Variants in FOXJ3 observed in about 807,000 individuals in gnomAD.
The protein encoded by FOXJ3 is forkhead box J3.
Under a neutral mutation model 76.1 loss-of-function variants are expected in FOXJ3, and 22 were observed. The observed-to-expected ratio is 0.29, with a 90% CI of 0.21 to 0.41. FOXJ3 has a LOEUF of 0.41. Ranked by LOEUF, FOXJ3 falls within the 10% of genes least tolerant of loss-of-function variation. The pLI is 1.00. For synonymous variants in FOXJ3, 269 were observed against 261.2 expected, an observed-to-expected ratio of 1.03 and a Z score of -0.29; for missense variants, 613 against 762.1, an observed-to-expected ratio of 0.80 and a Z score of 2.30.
At chr1:42,279,281 C>G (rs1248098387) in intron 2 of FOXJ3, among the ~76,000 whole-genome samples, 1 of 151,030 alleles carries the variant, frequency 6.6e-6, no homozygotes. Flanking sequence ...GGGAGTTGAC[C>G]GAAAAAAGGA....
intron 2 of FOXJ3, among the ~76,000 whole-genome samples, chr1:42,292,557 G>T (rs553229035): frequency 6.6e-6 from 1 of 152,184 alleles, no homozygotes; most frequent in African/African-American, 2.4e-5. Flanking sequence ...AATACATATT[G>T]TATGATACCA....
intron 3 of FOXJ3, among the ~76,000 whole-genome samples, chr1:42,270,846 T>C (rs1651815017): frequency 6.6e-6 from 1 of 152,140 alleles, no homozygotes; most frequent in Non-Finnish European, 1.5e-5. Flanking sequence ...TTTAAAAGCA[T>C]TCTATGTAAT....
At chr1:42,293,262 T>C (rs1653562984) in intron 2 of FOXJ3, among the ~76,000 whole-genome samples, 1 of 138,720 alleles carries the variant, frequency 7.2e-6, no homozygotes, top group Non-Finnish European at 1.6e-5. Context: ...TTACCAAAAT[T>C]TAAAACTTTC....
intron 4 of FOXJ3, 67 bp from the exon 5 acceptor site, chr1:42,228,033 T>A (rs1281901541): frequency 7.6e-6 from 6 of 784,910 alleles, no homozygotes; most frequent in African/African-American, 5.3e-5. Flanking sequence ...TGGATTTTTA[T>A]AATCCTTTGC....
Position 42,265,716 on chromosome 1 carries a change from T to C in FOXJ3, c.370-527A>G, listed in dbSNP as rs191366338. ...CTTATTAATTAGTTTAAAAAATGCT[T>C]TAAAAAAACATTCACTGCTCTATTA... On this transcript the variant is annotated intron_variant, in intron 3 of 12. Coordinates refer to ENST00000361346, the MANE Select transcript of FOXJ3 (RefSeq NM_014947.5). Among the ~76,000 whole-genome samples, 4 of 152,252 alleles carry C rather than the reference T, an allele frequency of 2.6e-5. 1 individual carries two copies. Among genetic ancestry groups the C allele is most frequent in the African/African-American group, 9.6e-5 (4 of 41,554 alleles).
chr1:42,245,752 G>A (rs772434773), intron 4 of FOXJ3, among the ~76,000 whole-genome samples: 1 of 152,078 alleles, frequency 6.6e-6, no homozygotes, highest in Non-Finnish European at 1.5e-5. Context: ...CTAAAAGCTG[G>A]TCAAGACAAG....
At chr1:42,204,559 A>G (rs1455114950) in intron 6 of FOXJ3, among the ~76,000 whole-genome samples, 1 of 152,150 alleles carries the variant, frequency 6.6e-6, no homozygotes, top group Non-Finnish European at 1.5e-5. Flanking sequence ...ATTCTAACCC[A>G]ACCACTTCAC....
At chr1:42,286,880 T>G (rs1653091266) in intron 2 of FOXJ3, among the ~76,000 whole-genome samples, 1 of 151,858 alleles carries the variant, frequency 6.6e-6, no homozygotes, top group African/African-American at 2.4e-5. Flanking sequence ...GTGATCCGCC[T>G]GCTTCGGCCT....
chr1:42,186,845 C>CCTT (rs953460491), intron 11 of FOXJ3, among the ~76,000 whole-genome samples: 7 of 151,906 alleles, frequency 4.6e-5, no homozygotes, highest in South Asian at 2.1e-4. Flanking sequence ...TTTGAGATTG[C>CCTT]CTTCTTCTTC....
Position 42,199,120 on chromosome 1 carries a change from A to C in FOXJ3, c.741T>G (p.Ser247Arg). ...LASVNLNSVG[S>R]VHSYTPVTSH... ...GACTTACCGGTGTATAACTATGCAC[A>C]CTTCCAACACTGTTCAAATTAACAG... The change falls in exon 7 of 13, where the codon AGT becomes AGG. Residue 247 changes from serine to arginine, a missense_variant. Ser to Arg is a moderately radical substitution (Grantham distance 110, BLOSUM62 -1). Around this residue, in one of 3 missense-constraint regions of FOXJ3, gnomAD observed 526 missense variants for 601.4 expected, o/e 0.87. Coordinates refer to ENST00000361346, the MANE Select transcript of FOXJ3 (RefSeq NM_014947.5). 1 of 1,613,604 alleles carries C rather than the reference A, an allele frequency of 6.2e-7. No homozygotes were observed. Among genetic ancestry groups the C allele is most frequent in the Non-Finnish European group, 8.5e-7 (1 of 1,179,564 alleles).
At chr1:42,217,866 C>T (rs1205299181) in intron 5 of FOXJ3, among the ~76,000 whole-genome samples, 2 of 152,170 alleles carry the variant, frequency 1.3e-5, no homozygotes, top group African/African-American at 4.8e-5. Flanking sequence ...AACTGTACAA[C>T]TATCCCTCAA....
chr1:42,189,504 C>G (rs1345015321), intron 9 of FOXJ3, 100 bp from the exon 10 acceptor site: 1 of 777,854 alleles, frequency 1.3e-6, no homozygotes, highest in Non-Finnish European at 2.2e-6. Context: ...TTGGCTGATT[C>G]TTGTCCCGTC....
chr1:42,318,609 T>G (rs1655257733), intron 1 of FOXJ3, among the ~76,000 whole-genome samples: 1 of 152,122 alleles, frequency 6.6e-6, no homozygotes, highest in Admixed American at 6.5e-5. Flanking sequence ...CCTCCCAAAG[T>G]GCTAGGATTA....
chr1:42,329,749 T>C lies in FOXJ3; in HGVS notation c.-18+5310A>G, dbSNP rs562470763. Among the ~76,000 whole-genome samples the C allele has an allele frequency of 4.6e-5, 7 of 152,394 alleles. No homozygotes were observed. In the East Asian group the frequency reaches 1.3e-3, roughly 29 times the overall value. On this transcript the variant is annotated intron_variant, in intron 1 of 12. Coordinates refer to ENST00000361346, the MANE Select transcript of FOXJ3 (RefSeq NM_014947.5). ...AAACAATATGTATCTTTGTACACTGTAGTGTTAAGTCCACTTTTAAAAGAA... is the reference window on the plus strand; with the variant it reads ...AAACAATATGTATCTTTGTACACTGCAGTGTTAAGTCCACTTTTAAAAGAA...
At chr1:42,332,430 C>T (rs1384718943) in intron 1 of FOXJ3, among the ~76,000 whole-genome samples, 1 of 152,118 alleles carries the variant, frequency 6.6e-6, no homozygotes, top group Non-Finnish European at 1.5e-5. Flanking sequence ...CAAACGTAGG[C>T]GCTTAGAATA....
chr1:42,325,384 AAGAAGAAAAC>A (rs1303358879), intron 1 of FOXJ3, among the ~76,000 whole-genome samples: 1 of 152,222 alleles, frequency 6.6e-6, no homozygotes, highest in Non-Finnish European at 1.5e-5. Context: ...TCTAGTCGAA[AAGAAGAAAAC>A]AGAAGAAATC....
At chr1:42,286,601 T>G (rs910980391) in intron 2 of FOXJ3, among the ~76,000 whole-genome samples, 1 of 152,218 alleles carries the variant, frequency 6.6e-6, no homozygotes, top group Non-Finnish European at 1.5e-5. Flanking sequence ...CAAGTTAATA[T>G]TAATATGAAG....
intron 2 of FOXJ3, among the ~76,000 whole-genome samples, chr1:42,279,412 G>C (rs1652530667): frequency 6.6e-6 from 1 of 152,126 alleles, no homozygotes; most frequent in African/African-American, 2.4e-5. Flanking sequence ...AATTGTGGGA[G>C]TACAGAATCT....
Position 42,201,181 on chromosome 1 carries a change from G to A in FOXJ3, c.631-1951C>T, listed in dbSNP as rs1165827878. 4.6e-5 allele frequency among the ~76,000 whole-genome samples: 7 copies of A among 152,136 alleles called. No homozygotes were observed. In the East Asian group the frequency reaches 1.3e-3, roughly 29 times the overall value. Reference sequence around the variant, plus strand: ...CCGTAGATTCTTTTCAATTTTCTGTGATCATCTGTGGCAACTTTATTTCTG... The same window carrying A: ...CCGTAGATTCTTTTCAATTTTCTGTAATCATCTGTGGCAACTTTATTTCTG... On this transcript the variant is annotated intron_variant, in intron 6 of 12. Coordinates refer to ENST00000361346, the MANE Select transcript of FOXJ3 (RefSeq NM_014947.5).
Sources: allele counts gnomAD v4.1 joint callset (sites outside exome capture counted in the v4.1 genomes callset), GRCh38; gene constraint gnomAD v4.1.1; regional missense constraint gnomAD v4.1.1; transcripts MANE v1.5; gene names NCBI Gene and HGNC (gene_info 2026-07-23, HGNC 2026-07-21).